Variants in GRIP1 observed in about 807,000 individuals in gnomAD.
GRIP1 encodes the protein glutamate receptor-interacting protein 1.
Under a neutral mutation model 129.9 loss-of-function variants are expected in GRIP1, and 45 were observed. The ratio of observed to expected loss-of-function variants is 0.35; its 90% CI spans 0.27 to 0.44. The LOEUF (loss-of-function observed/expected upper bound fraction) is 0.44, where lower values mean the gene tolerates loss of function less well. Among genes scored for constraint, GRIP1 ranks in the 20% least tolerant of loss-of-function variants. The pLI, the probability that GRIP1 is intolerant of heterozygous loss-of-function variation, is 1.00. For synonymous variants in GRIP1, 530 were observed against 520.8 expected (o/e 1.02, Z -0.24); for missense variants, 1,196 against 1,396.8 (o/e 0.86, Z 2.29).
At chr12:66,744,046 T>C (rs994680545) in intron 1 of GRIP1, among the ~76,000 whole-genome samples, 1 of 152,194 alleles carries the variant, frequency 6.6e-6, no homozygotes, top group African/African-American at 2.4e-5. Flanking sequence ...TAAAATATTA[T>C]CTTCATACTA....
chr12:66,363,120 TATATATACACACACACATATACACACAC>T (rs1408850704), intron 23 of GRIP1, among the ~76,000 whole-genome samples: 37 of 146,370 alleles, frequency 2.5e-4, no homozygotes, highest in Middle Eastern at 7.0e-3. Flanking sequence ...TAACTTTATA[TATATATACACACACACATATACACACAC>T]ATATATACAT....
chr12:66,864,162 T>G (rs2040160312), intron 1 of GRIP1, among the ~76,000 whole-genome samples: 1 of 152,090 alleles, frequency 6.6e-6, no homozygotes, highest in Non-Finnish European at 1.5e-5. Context: ...CTTCCACCCC[T>G]GCCAAAAGTG....
intron 15 of GRIP1, among the ~76,000 whole-genome samples, chr12:66,419,379 T>C (rs2057722897): frequency 6.6e-6 from 1 of 152,112 alleles, no homozygotes; most frequent in African/African-American, 2.4e-5. Flanking sequence ...AGACCTAGTA[T>C]TTGATGGCAC....
At chr12:66,757,904 G>GTT (rs2037346541) in intron 1 of GRIP1, among the ~76,000 whole-genome samples, 1 of 151,970 alleles carries the variant, frequency 6.6e-6, no homozygotes, top group Non-Finnish European at 1.5e-5. Flanking sequence ...CTTTTTGGTT[G>GTT]TTGGTAAATC....
chr12:66,836,823 A>G (rs993518085), intron 1 of GRIP1, among the ~76,000 whole-genome samples: 3 of 152,218 alleles, frequency 2.0e-5, no homozygotes, highest in Non-Finnish European at 4.4e-5. Flanking sequence ...TGCCCCACCA[A>G]AAGCAGAAGT....
chr12:66,616,841 C>T (rs1305405017), intron 1 of GRIP1, among the ~76,000 whole-genome samples: 1 of 152,146 alleles, frequency 6.6e-6, no homozygotes, highest in Non-Finnish European at 1.5e-5. Context: ...TTCACAGTGA[C>T]TGTGGCTTAG....
intron 11 of GRIP1, among the ~76,000 whole-genome samples, chr12:66,445,734 C>A (rs1028855083): frequency 6.6e-6 from 1 of 152,174 alleles, no homozygotes; most frequent in African/African-American, 2.4e-5. Flanking sequence ...CTCCCTACTC[C>A]TCAAACCAGG....
chr12:66,831,237 G>A (rs1351281089), intron 1 of GRIP1, among the ~76,000 whole-genome samples: 1 of 152,108 alleles, frequency 6.6e-6, no homozygotes, highest in Non-Finnish European at 1.5e-5. Context: ...ATGTAGAAAT[G>A]CACAATAAGC....
intron 1 of GRIP1, among the ~76,000 whole-genome samples, chr12:66,739,230 G>C (rs1410893014): frequency 6.6e-6 from 1 of 152,090 alleles, no homozygotes; most frequent in African/African-American, 2.4e-5. Flanking sequence ...AGGTTTTCTA[G>C]TTTGATGATG....
chr12:66,532,524 A>G (rs756597698), intron 4 of GRIP1, among the ~76,000 whole-genome samples: 20 of 152,092 alleles, frequency 1.3e-4, no homozygotes, highest in Non-Finnish European at 2.2e-4. Context: ...CCCTGTCTCA[A>G]TAGGAGTTGT....
At chr12:66,915,776 AC>A (rs1199250353) in intron 1 of GRIP1, among the ~76,000 whole-genome samples, 53 of 152,218 alleles carry the variant, frequency 3.5e-4, no homozygotes, top group African/African-American at 1.1e-3. Flanking sequence ...TGCTGCCTAA[AC>A]AAATATAATG....
intron 1 of GRIP1, among the ~76,000 whole-genome samples, chr12:67,021,381 T>C (rs1411309105): frequency 1.3e-5 from 2 of 152,216 alleles, no homozygotes; most frequent in Admixed American, 6.5e-5. Context: ...AACATTCTTT[T>C]TGAGGAGGTC....
intron 1 of GRIP1, among the ~76,000 whole-genome samples, chr12:67,042,767 T>A (rs149784813): frequency 4.6e-5 from 7 of 152,244 alleles, no homozygotes; most frequent in Admixed American, 2.0e-4. Context: ...ACAGCTCTGA[T>A]GGATGGGTGT....
intron 2 of GRIP1, among the ~76,000 whole-genome samples, chr12:66,564,368 G>A (rs1412794909): frequency 6.8e-6 from 1 of 147,506 alleles, no homozygotes; most frequent in Non-Finnish European, 1.5e-5. Flanking sequence ...TGAGTGAGAA[G>A]ATGTAGTGTT....
At chr12:66,656,770 C>T (rs73327007) in intron 1 of GRIP1, among the ~76,000 whole-genome samples, 5,272 of 152,136 alleles carry the variant, frequency 0.035, 327 homozygotes, top group African/African-American at 0.12. Context: ...ATATTAAATG[C>T]CTGGCTCTTG....
At chr12:66,916,638 A>G (rs1414733444) in intron 1 of GRIP1, among the ~76,000 whole-genome samples, 1 of 151,948 alleles carries the variant, frequency 6.6e-6, no homozygotes, top group Non-Finnish European at 1.5e-5. Context: ...CTCATATTCC[A>G]ACAGGTTTCT....
chr12:66,760,938 G>C (rs11176413), intron 1 of GRIP1, among the ~76,000 whole-genome samples: 9,165 of 151,722 alleles, frequency 0.06, 423 homozygotes, highest in Admixed American at 0.13. Flanking sequence ...GGAATGCAGT[G>C]AAAGCTTTGA....
upstream of GRIP1, among the ~76,000 whole-genome samples, chr12:66,806,926 T>C (rs2039005316): frequency 6.6e-6 from 1 of 152,054 alleles, no homozygotes; most frequent in African/African-American, 2.4e-5. Flanking sequence ...AGCCATATAT[T>C]TGAAGGCATA....
chr12:66,978,994 C>T (rs2042195807), intron 1 of GRIP1, among the ~76,000 whole-genome samples: 1 of 151,976 alleles, frequency 6.6e-6, no homozygotes. Flanking sequence ...ATGCCTCCAG[C>T]AGCATGCCTC....
Sources: allele counts gnomAD v4.1 joint callset (sites outside exome capture counted in the v4.1 genomes callset), GRCh38; gene constraint gnomAD v4.1.1; transcripts MANE v1.5; gene names NCBI Gene and HGNC (gene_info 2026-07-23, HGNC 2026-07-21).